The following TUSC3 variants were observed in gnomAD, a reference collection of about 807,000 sequenced individuals.
TUSC3 encodes dolichyl-diphosphooligosaccharide--protein glycosyltransferase subunit TUSC3.
TUSC3 carries 45 observed loss-of-function variants against 44.8 expected under a neutral mutation model. That is an observed-to-expected ratio of 1.00 (90% CI 0.79 to 1.29). The LOEUF is 1.29. Ranked by LOEUF, TUSC3 falls within the 50% of genes most tolerant of loss-of-function variation. TUSC3 has a pLI of 0.00. For missense variants in TUSC3, 519 were observed against 437.9 expected (o/e 1.19, Z -1.65); for synonymous variants, 212 against 152.9 (o/e 1.39, Z -2.85).
chr8:15,722,241 G>GT (rs1425071886), intron 6 of TUSC3, among the ~76,000 whole-genome samples: 2 of 148,970 alleles, frequency 1.3e-5, no homozygotes, highest in Non-Finnish European at 3.0e-5. Context: ...GATGGGTTTT[G>GT]TTTCTTTCTT....
rs113601392 is a variant in TUSC3, at chr8:15,763,920, G to T, written c.*47-283G>T. On this transcript the variant is annotated intron_variant, in intron 10 of 10. Coordinates refer to ENST00000503731, the MANE Select transcript of TUSC3 (RefSeq NM_006765.4). Reference sequence around the variant, plus strand: ...TACCATTTTAAATGCTGATTTAACTGCTGTTCTAGCCAGCAATGAAAGGAA... The same window carrying T: ...TACCATTTTAAATGCTGATTTAACTTCTGTTCTAGCCAGCAATGAAAGGAA... 4.9e-3 allele frequency among the ~76,000 whole-genome samples: 740 copies of T among 152,032 alleles called. 1 individual carries two copies. The highest frequency in any genetic ancestry group is 8.4e-3 in the Non-Finnish European group (569 of 67,942).
At chr8:15,503,944 G>A (rs1801008894) in intron 2 of TUSC3, among the ~76,000 whole-genome samples, 3 of 150,868 alleles carry the variant, frequency 2.0e-5, no homozygotes, top group Admixed American at 1.3e-4. Flanking sequence ...GAACAGGGGA[G>A]GTGGAGTTGC....
chr8:15,637,776 C>T (rs1051511311), intron 2 of TUSC3, among the ~76,000 whole-genome samples: 4 of 152,116 alleles, frequency 2.6e-5, no homozygotes, highest in African/African-American at 9.7e-5. Flanking sequence ...CTGCTCATAA[C>T]GTGAAATAGG....
chr8:15,695,294 T>G (rs1304094932), intron 6 of TUSC3, among the ~76,000 whole-genome samples: 1 of 152,168 alleles, frequency 6.6e-6, no homozygotes, highest in Non-Finnish European at 1.5e-5. Context: ...CTTATTCTCA[T>G]GATAGTGAAT....
chr8:15,720,391 A>C (rs963089360), intron 6 of TUSC3, among the ~76,000 whole-genome samples: 1 of 151,968 alleles, frequency 6.6e-6, no homozygotes, highest in African/African-American at 2.4e-5. Context: ...AACCAGTAAC[A>C]CTCATTATTA....
intron 1 of TUSC3, among the ~76,000 whole-genome samples, chr8:15,621,749 T>C (rs1805256485): frequency 6.7e-6 from 1 of 150,304 alleles, no homozygotes; most frequent in South Asian, 2.1e-4. Context: ...TTTCAGTTGA[T>C]GCCCTTTGGT....
chr8:15,678,285 C>A (rs1585220495), intron 6 of TUSC3, among the ~76,000 whole-genome samples: 1 of 152,172 alleles, frequency 6.6e-6, no homozygotes, highest in African/African-American at 2.4e-5. Context: ...CAAAGAAATG[C>A]AGGTGCTGGT....
intron 6 of TUSC3, among the ~76,000 whole-genome samples, chr8:15,683,413 T>A (rs143425795): frequency 6.6e-6 from 1 of 152,218 alleles, no homozygotes; most frequent in African/African-American, 2.4e-5. Context: ...TGAAATTGTT[T>A]CTTCTGCTTG....
intron 1 of TUSC3, among the ~76,000 whole-genome samples, chr8:15,549,381 T>A (rs1563284143): frequency 6.6e-6 from 1 of 151,368 alleles, no homozygotes; most frequent in Non-Finnish European, 1.5e-5. Context: ...ACCATGTTGA[T>A]CAGGCTGGTC....
At chr8:15,443,151 T>TCTTC (rs111430826) in intron 1 of TUSC3, among the ~76,000 whole-genome samples, 12 of 151,916 alleles carry the variant, frequency 7.9e-5, no homozygotes, top group East Asian at 1.9e-4. Flanking sequence ...TTTTCTTTTT[T>TCTTC]CTTCCTTCCT....
intron 1 of TUSC3, among the ~76,000 whole-genome samples, chr8:15,441,887 A>G (rs1230128111): frequency 1.3e-5 from 2 of 152,196 alleles, no homozygotes; most frequent in Non-Finnish European, 2.9e-5. Context: ...GATACCAGCT[A>G]TATGAATGGA....
intron 2 of TUSC3, among the ~76,000 whole-genome samples, chr8:15,529,747 T>C (rs1042017859): frequency 1.9e-4 from 28 of 151,034 alleles, no homozygotes; most frequent in African/African-American, 6.6e-4. Context: ...ATGTCTTCTG[T>C]AGAATACAGG....
At chr8:15,715,710 A>AC (rs1045994102) in intron 6 of TUSC3, among the ~76,000 whole-genome samples, 3 of 151,638 alleles carry the variant, frequency 2.0e-5, no homozygotes, top group African/African-American at 7.3e-5. Context: ...AAAAAAAAAA[A>AC]TTATTTCACA....
At chr8:15,671,972 A>G (rs537163472) in intron 5 of TUSC3, among the ~76,000 whole-genome samples, 1 of 152,028 alleles carries the variant, frequency 6.6e-6, no homozygotes, top group Non-Finnish European at 1.5e-5. Flanking sequence ...TGCCTCCAGT[A>G]AGTAATTGTC....
chr8:15,617,594 TG>T (rs1805054308), intron 1 of TUSC3, among the ~76,000 whole-genome samples: 2 of 152,316 alleles, frequency 1.3e-5, no homozygotes, highest in South Asian at 4.1e-4. Context: ...TGTTCAACTA[TG>T]GTGTACTCAT....
At chr8:15,779,940 C>T in the TUSC3 span, among the ~76,000 whole-genome samples, 38 of 152,166 alleles carry the variant, frequency 2.5e-4, no homozygotes, top group African/African-American at 8.0e-4. Context: ...ACAAAACGAG[C>T]GGTCTTTCTC....
chr8:15,500,183 A>C (rs114675031), intron 2 of TUSC3, among the ~76,000 whole-genome samples: 2,208 of 152,218 alleles, frequency 0.015, 40 homozygotes, highest in African/African-American at 0.05. Context: ...GGAGCTGTAC[A>C]CGTATCTGGT....
the TUSC3 span, among the ~76,000 whole-genome samples, chr8:15,842,852 G>A: frequency 5.3e-5 from 8 of 152,120 alleles, no homozygotes; most frequent in Non-Finnish European, 8.8e-5. Flanking sequence ...TAGCTTTCAC[G>A]GTTTTTACCA....
At chr8:15,571,540 C>G (rs180728420) in intron 1 of TUSC3, among the ~76,000 whole-genome samples, 1 of 152,128 alleles carries the variant, frequency 6.6e-6, no homozygotes, top group East Asian at 1.9e-4. Context: ...AGTTATAATC[C>G]TTTTGCTGGT....
Sources: allele counts gnomAD v4.1 joint callset (sites outside exome capture counted in the v4.1 genomes callset), GRCh38; gene constraint gnomAD v4.1.1; transcripts MANE v1.5; gene names NCBI Gene and HGNC (gene_info 2026-07-23, HGNC 2026-07-21).